ATP8A2: variants seen among roughly 807,000 people sequenced by gnomAD.
ATP8A2 encodes ATPase phospholipid transporting 8A2, also known as phospholipid-transporting ATPase IB.
Under a neutral mutation model 165.6 loss-of-function variants are expected in ATP8A2, and 100 were observed. The observed-to-expected ratio is 0.60, with a 90% confidence interval of 0.51 to 0.71. The LOEUF is 0.71. ATP8A2 is among the 30% of genes least tolerant of loss of function. The pLI is 0.00. For synonymous variants in ATP8A2, 543 were observed against 548.8 expected, an observed-to-expected ratio of 0.99 and a Z score of 0.15; for missense variants, 1,227 against 1,479.5, an observed-to-expected ratio of 0.83 and a Z score of 2.80.
At chr13:26,002,848 CTGTGTGTGTGTGTGTG>C (rs199795279) in intron 35 of ATP8A2, among the ~76,000 whole-genome samples, 128 of 134,806 alleles carry the variant, frequency 9.5e-4, no homozygotes, top group African/African-American at 3.2e-3. Flanking sequence ...TAGTATTCCA[CTGTGTGTGTGTGTGTG>C]TGTGTGTGTG....
chr13:25,753,262 A>G (rs1439087171), intron 25 of ATP8A2, among the ~76,000 whole-genome samples: 3 of 152,240 alleles, frequency 2.0e-5, no homozygotes, highest in Non-Finnish European at 1.5e-5. Flanking sequence ...TAACACTTAC[A>G]GGGTGTGGTT....
At chr13:25,412,161 G>A (rs2033986083) in intron 1 of ATP8A2, among the ~76,000 whole-genome samples, 2 of 152,182 alleles carry the variant, frequency 1.3e-5, no homozygotes, top group Admixed American at 6.5e-5. Flanking sequence ...AGGGGGACAG[G>A]TATAGGCTGG....
chr13:25,535,704 A>T (rs977459223), intron 6 of ATP8A2, among the ~76,000 whole-genome samples: 2 of 152,016 alleles, frequency 1.3e-5, no homozygotes, highest in East Asian at 3.9e-4. Flanking sequence ...AATCCCAGCT[A>T]CTCAGGAGGA....
At chr13:25,787,164 A>G (rs1434859349) in intron 27 of ATP8A2, among the ~76,000 whole-genome samples, 3 of 152,190 alleles carry the variant, frequency 2.0e-5, no homozygotes, top group Non-Finnish European at 2.9e-5. Flanking sequence ...CCCAGATAAG[A>G]ACAGTATGAC....
At chr13:25,489,926 A>G (rs2036470783) in intron 2 of ATP8A2, among the ~76,000 whole-genome samples, 1 of 152,182 alleles carries the variant, frequency 6.6e-6, no homozygotes, top group South Asian at 2.1e-4. Context: ...TACATTTGGG[A>G]TTTAATGTGA....
At chr13:25,835,031 T>C (rs1951570294) in intron 28 of ATP8A2, among the ~76,000 whole-genome samples, 1 of 151,944 alleles carries the variant, frequency 6.6e-6, no homozygotes, top group African/African-American at 2.4e-5. Context: ...GTGGAAAATA[T>C]GTAGGCATGC....
At chr13:25,459,255 A>G (rs1277438305) in intron 1 of ATP8A2, among the ~76,000 whole-genome samples, 1 of 152,246 alleles carries the variant, frequency 6.6e-6, no homozygotes, top group African/African-American at 2.4e-5. Flanking sequence ...CTGAGCTACC[A>G]ACAAAACTGG....
At chr13:25,516,206 G>A (rs1278807440) in intron 2 of ATP8A2, among the ~76,000 whole-genome samples, 1 of 152,142 alleles carries the variant, frequency 6.6e-6, no homozygotes, top group Non-Finnish European at 1.5e-5. Flanking sequence ...CTTATTTGAT[G>A]TTGTAGTTCC....
At chr13:25,527,215 T>A (rs921830960) in intron 2 of ATP8A2, among the ~76,000 whole-genome samples, 2 of 152,222 alleles carry the variant, frequency 1.3e-5, no homozygotes, top group African/African-American at 4.8e-5. Context: ...TATAGTGCTC[T>A]GCTGAATTAA....
chr13:25,726,241 G>A (rs564085188), intron 25 of ATP8A2, among the ~76,000 whole-genome samples: 63 of 152,326 alleles, frequency 4.1e-4, no homozygotes, highest in African/African-American at 1.4e-3. Flanking sequence ...GTAGTAAAGT[G>A]TGGCTATAGC....
intron 24 of ATP8A2, among the ~76,000 whole-genome samples, chr13:25,649,578 C>T (rs2041762484): frequency 6.6e-6 from 1 of 152,092 alleles, no homozygotes; most frequent in Non-Finnish European, 1.5e-5. Flanking sequence ...CTCTGCTGTC[C>T]CTGCTCTTCA....
At chr13:26,018,904 T>C (rs929886193) in intron 36 of ATP8A2, among the ~76,000 whole-genome samples, 1 of 152,218 alleles carries the variant, frequency 6.6e-6, no homozygotes, top group Admixed American at 6.5e-5. Context: ...CACAGTGTCT[T>C]AGACACATGG....
Position 25,828,277 on chromosome 13 carries a change from A to T in ATP8A2, c.2754+85A>T, listed in dbSNP as rs565503635. ...TTCACTGTTTATGTCTGGGAAGTGTATCTGAGTCAATCATCTGTATACTTA... is the reference window on the plus strand; with the variant it reads ...TTCACTGTTTATGTCTGGGAAGTGTTTCTGAGTCAATCATCTGTATACTTA... On this transcript the variant is annotated intron_variant, in intron 28 of 36. Coordinates refer to ENST00000381655, the MANE Select transcript of ATP8A2 (RefSeq NM_016529.6). The T allele has an allele frequency of 4.1e-4, 452 of 1,096,476 alleles. 6 individuals are homozygous for T. The South Asian group carries it at 5.5e-3, about 13-fold the overall frequency. 67.9% of individuals were successfully genotyped at this position (1,096,476 alleles called of 1,614,324 possible). A position where few individuals can be genotyped will look rare whatever the true frequency, so the allele number is the denominator to read the frequency against.
intron 33 of ATP8A2, among the ~76,000 whole-genome samples, chr13:25,902,071 T>G (rs1376231439): frequency 6.6e-6 from 1 of 152,128 alleles, no homozygotes; most frequent in Non-Finnish European, 1.5e-5. Flanking sequence ...ACAAAAAAAT[T>G]TTTTGGCAAT....
intron 24 of ATP8A2, among the ~76,000 whole-genome samples, chr13:25,617,284 A>T (rs2040850776): frequency 6.6e-6 from 1 of 152,234 alleles, no homozygotes; most frequent in South Asian, 2.1e-4. Context: ...CAATTTATTT[A>T]TCATTTTCTA....
chr13:25,451,229 A>G (rs1383138027), intron 1 of ATP8A2, among the ~76,000 whole-genome samples: 5 of 152,098 alleles, frequency 3.3e-5, no homozygotes, highest in Admixed American at 2.6e-4. Context: ...TCTGCTATTA[A>G]TCCCACATAG....
rs539823284 is a variant in ATP8A2, at chr13:26,024,688, GGCTCTAGTT to G, written c.*4706_*4714del. 1 of 152,286 alleles carries G rather than the reference GGCTCTAGTT, an allele frequency of 6.6e-6. No individual in the cohort carries two copies. Among genetic ancestry groups the G allele is most frequent in the East Asian group, 1.9e-4 (1 of 5,188 alleles). The allele number at this position is 152,286 out of a possible 1,614,324, so 9.4% of individuals were successfully genotyped here. ...GGCGCATTTTCAAGTGACAATCTCG[GGCTCTAGTT>G]GCCTTTGAGATATCCACTCTGCTCT... On this transcript the variant is annotated 3_prime_UTR_variant, in exon 37 of 37. Coordinates refer to ENST00000381655, the MANE Select transcript of ATP8A2 (RefSeq NM_016529.6).
At chr13:25,475,189 A>G (rs941139920) in intron 2 of ATP8A2, among the ~76,000 whole-genome samples, 3 of 151,986 alleles carry the variant, frequency 2.0e-5, no homozygotes, top group Non-Finnish European at 1.5e-5. Context: ...ACCCTCAAGC[A>G]GGCCTCAGTG....
At chr13:25,542,165 C>G (rs2038499735) in intron 9 of ATP8A2, 119 bp downstream of exon 9, 2 of 1,086,258 alleles carry the variant, frequency 1.8e-6, no homozygotes, top group Non-Finnish European at 2.6e-6. Flanking sequence ...ATTTCATACC[C>G]TTTCAATTAA....
Sources: gnomAD v4.1 joint callset for allele counts (sites outside exome capture counted in the v4.1 genomes callset) on GRCh38, gnomAD v4.1.1 for gene constraint, MANE v1.5 for transcripts, NCBI Gene and HGNC (gene_info 2026-07-23, HGNC 2026-07-21) for gene names.